The following CDH2 variants were observed in gnomAD, a reference collection of about 807,000 sequenced individuals.
CDH2 encodes cadherin 2, also known as cadherin-2.
In CDH2, 17 loss-of-function variants were observed where a neutral mutation model predicts 92.0. The observed-to-expected ratio is 0.18, with a 90% confidence interval of 0.13 to 0.28. The LOEUF (loss-of-function observed/expected upper bound fraction) is 0.28. Among genes scored for constraint, CDH2 ranks in the 10% least tolerant of loss-of-function variants. The pLI, the probability that CDH2 is intolerant of heterozygous loss-of-function variation, is 1.00. For synonymous variants in CDH2, 419 were observed against 415.9 expected, an observed-to-expected ratio of 1.01 and a Z score of -0.09; for missense variants, 862 against 1,133.1, an observed-to-expected ratio of 0.76 and a Z score of 3.44.
chr18:28,170,557 G>C (rs542192731), intron 1 of CDH2, among the ~76,000 whole-genome samples: 1 of 152,102 alleles, frequency 6.6e-6, no homozygotes, highest in Non-Finnish European at 1.5e-5. Context: ...GTGTTAGGCA[G>C]GATGGTCTTG....
At chr18:28,176,843 G>T in intron 1 of CDH2, 120 bp downstream of exon 1, 1 of 382,284 alleles carries the variant, frequency 2.6e-6, no homozygotes, top group Non-Finnish European at 3.6e-6. Flanking sequence ...GGCGCGGCGC[G>T]GCGTGGCACC....
At position 27,951,622 on chromosome 18, in the gene CDH2, G is replaced by GAA. The variant is rs5823567; in HGVS notation, c.*529_*530dup. The stretch of plus-strand genomic sequence containing the variant: ...GCTGAGTAAGTTTTAAGATTTTAGT[G>GAA]AAAAAAAAAAAAACAAACTAAAGTC... On this transcript the variant is annotated 3_prime_UTR_variant, in exon 16 of 16. Coordinates refer to ENST00000269141, the MANE Select transcript of CDH2 (RefSeq NM_001792.5). 1.8e-3 allele frequency: 265 copies of GAA among 145,112 alleles called. No individual in the cohort carries two copies. Among genetic ancestry groups the GAA allele is most frequent in the South Asian group, 4.3e-3 (20 of 4,602 alleles). 9.0% of individuals were successfully genotyped at this position (145,112 alleles called of 1,614,324 possible). A position where few individuals can be genotyped will look rare whatever the true frequency, so the allele number is the denominator to read the frequency against.
At chr18:27,996,560 G>C (rs1277012475) in intron 7 of CDH2, among the ~76,000 whole-genome samples, 3 of 152,190 alleles carry the variant, frequency 2.0e-5, no homozygotes, top group African/African-American at 4.8e-5. Flanking sequence ...CCTCAGGACA[G>C]AGCCCTTACA....
At chr18:28,095,454 A>C (rs2015115077) in intron 2 of CDH2, among the ~76,000 whole-genome samples, 1 of 152,132 alleles carries the variant, frequency 6.6e-6, no homozygotes. Context: ...AGTTGAAAAA[A>C]AAAGAATCTA....
intron 1 of CDH2, among the ~76,000 whole-genome samples, chr18:28,175,539 AC>A (rs1260893008): frequency 6.8e-6 from 1 of 146,528 alleles, no homozygotes; most frequent in Non-Finnish European, 1.5e-5. Context: ...GCGGCGGCCC[AC>A]GACCGTCTAG....
At chr18:27,997,730 A>T (rs562986061) in intron 7 of CDH2, among the ~76,000 whole-genome samples, 1 of 152,138 alleles carries the variant, frequency 6.6e-6, no homozygotes, top group South Asian at 2.1e-4. Flanking sequence ...GCCTCTAGAT[A>T]AATTGGGTTG....
At chr18:28,042,331 C>T (rs998416493) in intron 2 of CDH2, among the ~76,000 whole-genome samples, 1 of 152,034 alleles carries the variant, frequency 6.6e-6, no homozygotes, top group African/African-American at 2.4e-5. Flanking sequence ...TTGGTAATTG[C>T]GTTATCAATC....
intron 1 of CDH2, among the ~76,000 whole-genome samples, chr18:28,148,255 A>G (rs12458418): frequency 0.12 from 18,737 of 152,248 alleles, 1,488 homozygotes; most frequent in Admixed American, 0.18. Context: ...AAATAAAATT[A>G]TAATATACTT....
chr18:28,175,741 T>A (rs2016529688), intron 1 of CDH2, among the ~76,000 whole-genome samples: 1 of 152,122 alleles, frequency 6.6e-6, no homozygotes, highest in South Asian at 2.1e-4. Context: ...GTCCGCACTT[T>A]TCGGGGCTGC....
intron 2 of CDH2, among the ~76,000 whole-genome samples, chr18:28,067,383 C>G (rs1308789564): frequency 1.3e-5 from 2 of 152,136 alleles, no homozygotes; most frequent in Non-Finnish European, 2.9e-5. Context: ...ACCCCTCTCC[C>G]CAATCCCAAT....
intron 2 of CDH2, among the ~76,000 whole-genome samples, chr18:28,066,472 G>A (rs903100128): frequency 6.6e-6 from 1 of 152,092 alleles, no homozygotes; most frequent in Admixed American, 6.6e-5. Flanking sequence ...TGATAGGAAT[G>A]CATGGAATTG....
At chr18:28,045,488 T>C (rs1163076906) in intron 2 of CDH2, 1 of 460,708 alleles carries the variant, frequency 2.2e-6, no homozygotes, top group South Asian at 1.6e-5. Flanking sequence ...GTCTTGTAAA[T>C]GAACTTCATT....
chr18:28,096,127 C>A lies in CDH2; in HGVS notation c.172+51546G>T, dbSNP rs113991111. Among the ~76,000 whole-genome samples the A allele has an allele frequency of 4.4e-3, 669 of 152,182 alleles. 18 individuals are homozygous for A. Among genetic ancestry groups the A allele is most frequent in the African/African-American group, 0.016 (646 of 41,516 alleles). ...GTATGAGGTGCTATTCCCTCAATAC[C>A]ACTGGGTATGTAAAAGTACATATTA... On this transcript the variant is annotated intron_variant, in intron 2 of 15. Coordinates refer to ENST00000269141, the MANE Select transcript of CDH2 (RefSeq NM_001792.5).
intron 5 of CDH2, among the ~76,000 whole-genome samples, chr18:28,006,725 A>C (rs1225247123): frequency 1.3e-5 from 2 of 151,326 alleles, no homozygotes; most frequent in Admixed American, 1.3e-4. Flanking sequence ...CTCAAAAAAA[A>C]AAAAAAAAAA....
intron 6 of CDH2, among the ~76,000 whole-genome samples, chr18:27,940,359 G>A (rs1216326230): frequency 6.6e-6 from 1 of 152,148 alleles, no homozygotes; most frequent in Non-Finnish European, 1.5e-5. Context: ...GGGTATATTG[G>A]TGTGGGAGCC....
chr18:28,145,214 C>T (rs915914960), intron 2 of CDH2, among the ~76,000 whole-genome samples: 2 of 151,958 alleles, frequency 1.3e-5, no homozygotes, highest in African/African-American at 4.8e-5. Flanking sequence ...TCCCCAGATG[C>T]CATCAACGGG....
intron 14 of CDH2, among the ~76,000 whole-genome samples, chr18:27,976,929 C>T (rs777490004): frequency 2.0e-5 from 3 of 152,100 alleles, no homozygotes; most frequent in East Asian, 1.9e-4. Flanking sequence ...AGTGAGATAT[C>T]GGCTATATTG....
intron 9 of CDH2, among the ~76,000 whole-genome samples, 165 bp from the exon 10 acceptor site, chr18:27,990,515 T>A (rs2012382865): frequency 6.6e-6 from 1 of 152,222 alleles, no homozygotes; most frequent in Non-Finnish European, 1.5e-5. Context: ...TGGTCACTTA[T>A]CAAAATATTT....
chr18:27,935,600 A>G (rs1400084265), intron 6 of CDH2, among the ~76,000 whole-genome samples: 1 of 152,056 alleles, frequency 6.6e-6, no homozygotes, highest in African/African-American at 2.4e-5. Flanking sequence ...CAATAGCTCC[A>G]GTAGAATTGG....
Sources: gnomAD v4.1 joint callset for allele counts (sites outside exome capture counted in the v4.1 genomes callset) on GRCh38, gnomAD v4.1.1 for gene constraint, MANE v1.5 for transcripts, NCBI Gene and HGNC (gene_info 2026-07-23, HGNC 2026-07-21) for gene names.